KLHDC10: variants seen among roughly 807,000 people sequenced by gnomAD.
KLHDC10 encodes kelch domain-containing protein 10.
A neutral mutation model predicts 56.1 loss-of-function variants in KLHDC10; 24 were observed. The observed-to-expected ratio is 0.43, with a 90% confidence interval of 0.31 to 0.60. The LOEUF is 0.60. Among genes scored for constraint, KLHDC10 ranks in the 20% least tolerant of loss-of-function variants. The pLI is 0.11. For synonymous variants in KLHDC10, 188 were observed against 207.1 expected (o/e 0.91, Z 0.79); for missense variants, 349 against 567.0 (o/e 0.62, Z 3.91).
At chr7:130,122,238 G>T (rs745445582) in intron 5 of KLHDC10, 36 bp downstream of exon 5, 3 of 1,603,464 alleles carry the variant, frequency 1.9e-6, no homozygotes, top group South Asian at 1.1e-5. Flanking sequence ...TTATTCTTTC[G>T]TGCTAACATT....
Position 130,096,914 on chromosome 7 carries a change from G to T in KLHDC10, c.167-7G>T. 6.2e-7 allele frequency: 1 copy of T among 1,605,026 alleles called. No homozygotes were observed. Among genetic ancestry groups the T allele is most frequent in the Non-Finnish European group, 8.5e-7 (1 of 1,172,808 alleles). On this transcript the variant is annotated splice_region_variant and splice_polypyrimidine_tract_variant and intron_variant, in intron 1 of 9. Coordinates refer to ENST00000335420, the MANE Select transcript of KLHDC10 (RefSeq NM_014997.4). ...GTCTGACTTATTGCTGATAATTGTGGTAACAGGTAAGAAGAAAATACGATG... is the reference window on the plus strand; with the variant it reads ...GTCTGACTTATTGCTGATAATTGTGTTAACAGGTAAGAAGAAAATACGATG...
chr7:130,127,587 A>T, intron 8 of KLHDC10, 136 bp downstream of exon 8: 1 of 640,298 alleles, frequency 1.6e-6, no homozygotes, highest in Non-Finnish European at 2.7e-6. Flanking sequence ...TTAAAGGGAA[A>T]TTCATAGTTA....
rs772514343 is a variant in KLHDC10 at position 130,116,383 on chromosome 7, A to G, written c.254-62A>G. On this transcript the variant is annotated intron_variant, in intron 2 of 9. Coordinates refer to ENST00000335420, the MANE Select transcript of KLHDC10 (RefSeq NM_014997.4). The surrounding 1 kb of genome is among the most constrained non-coding windows in gnomAD (Gnocchi z 4.8). ...TTTATGGCTAAAATGGTTGTTACCT[A>G]ATTTTGTTTGTGCTTTTAAACTGGT... is the stretch of plus-strand genomic sequence containing the variant. 21 of 1,275,968 alleles carry G rather than the reference A, an allele frequency of 1.6e-5. No individual in the cohort carries two copies. Among genetic ancestry groups the G allele is most frequent in the Non-Finnish European group, 2.2e-6 (2 of 893,462 alleles). The allele number at this position is 1,275,968 out of a possible 1,614,324, so 79.0% of individuals were successfully genotyped here. A position where few individuals can be genotyped will look rare whatever the true frequency, so the allele number is the denominator to read the frequency against.
intron 5 of KLHDC10, among the ~76,000 whole-genome samples, chr7:130,123,049 A>ATGGG (rs1260852660): frequency 6.6e-6 from 1 of 152,066 alleles, no homozygotes; most frequent in Non-Finnish European, 1.5e-5. Flanking sequence ...GGATGGATGG[A>ATGGG]TGGATGGAAA....
Position 130,134,615 on chromosome 7 carries a change from C to T in KLHDC10, c.*3869C>T, listed in dbSNP as rs964760889. 6.8e-6 allele frequency: 1 copy of T among 147,502 alleles called. No homozygotes were observed. The highest frequency in any genetic ancestry group is 1.5e-5 in the Non-Finnish European group (1 of 66,168). 9.1% of individuals were successfully genotyped at this position (147,502 alleles called of 1,614,324 possible). A position where few individuals can be genotyped will look rare whatever the true frequency, so the allele number is the denominator to read the frequency against. The stretch of plus-strand genomic sequence containing the variant: ...GATCCTCTAAGACTGTGTTGGTCTT[C>T]GTATTCTGTAAAACCCATTTTTTTT... On this transcript the variant is annotated 3_prime_UTR_variant, in exon 10 of 10. Transcript: ENST00000335420.
At chr7:130,073,544 C>T (rs1031982646) in intron 1 of KLHDC10, among the ~76,000 whole-genome samples, 2 of 151,812 alleles carry the variant, frequency 1.3e-5, no homozygotes, top group Non-Finnish European at 2.9e-5. Flanking sequence ...GATCCTTCCG[C>T]CTCAGCCTCC....
intron 5 of KLHDC10, among the ~76,000 whole-genome samples, chr7:130,123,172 T>G (rs1796273185): frequency 6.6e-6 from 1 of 152,190 alleles, no homozygotes; most frequent in African/African-American, 2.4e-5. Flanking sequence ...AGCAGTTGCC[T>G]CTTCATAGAA....
chr7:130,079,993 G>A (rs1231497122), intron 1 of KLHDC10, among the ~76,000 whole-genome samples: 1 of 147,980 alleles, frequency 6.8e-6, no homozygotes, highest in Non-Finnish European at 1.5e-5. Context: ...CCAGGTTGGA[G>A]TGCAGTGGTG....
intron 2 of KLHDC10, among the ~76,000 whole-genome samples, chr7:130,112,562 A>G (rs1250467688): frequency 6.6e-6 from 1 of 152,200 alleles, no homozygotes; most frequent in East Asian, 1.9e-4. Flanking sequence ...TTAGAGAGCT[A>G]CTTTAGACCC....
At chr7:130,111,022 A>G (rs1474409) in intron 2 of KLHDC10, among the ~76,000 whole-genome samples, 53,014 of 151,904 alleles carry the variant, frequency 0.35, 10,305 homozygotes, top group East Asian at 0.43. Context: ...AGACCTGAAT[A>G]TTGGGATTTT....
In KLHDC10 at chr7:130,096,054, G is replaced by A. The variant is rs557700944; in HGVS notation, c.167-867G>A. Among the ~76,000 whole-genome samples the A allele has an allele frequency of 4.6e-5, 7 of 152,246 alleles. 1 individual carries two copies. The South Asian group carries it at 1.5e-3, about 32-fold the overall frequency. On this transcript the variant is annotated intron_variant, in intron 1 of 9. Coordinates refer to ENST00000335420, the MANE Select transcript of KLHDC10 (RefSeq NM_014997.4). ...TTGCAATCTCAGGTCCTAGCATAGGGCTCCAGGCATAGCAGATGCTTAATA... is the reference window on the plus strand; with the variant it reads ...TTGCAATCTCAGGTCCTAGCATAGGACTCCAGGCATAGCAGATGCTTAATA...
chr7:130,118,975 G>C (rs1486399787), intron 3 of KLHDC10, among the ~76,000 whole-genome samples: 1 of 152,056 alleles, frequency 6.6e-6, no homozygotes, highest in African/African-American at 2.4e-5. Flanking sequence ...AATTTAGGAG[G>C]CCAAGGAGGG....
intron 1 of KLHDC10, among the ~76,000 whole-genome samples, chr7:130,071,171 T>C (rs752766586): frequency 5.3e-5 from 8 of 152,096 alleles, no homozygotes; most frequent in Non-Finnish European, 1.2e-4. Flanking sequence ...TGTGGGAAAT[T>C]ATTTCAAAAA....
chr7:130,089,771 C>T (rs1299472884), intron 1 of KLHDC10, among the ~76,000 whole-genome samples: 1 of 152,164 alleles, frequency 6.6e-6, no homozygotes, highest in Non-Finnish European at 1.5e-5. Context: ...TAATTTGCTT[C>T]TCTTTTGAAA....
chr7:130,124,441 A>C lies in KLHDC10; in HGVS notation c.780-10A>C. ...CTTAATTATAAATGAATTTTATTGT[A>C]AATTTTCAGATACCGACATGAAATT... On this transcript the variant is annotated splice_polypyrimidine_tract_variant and intron_variant, in intron 5 of 9. Coordinates refer to ENST00000335420, the MANE Select transcript of KLHDC10 (RefSeq NM_014997.4). The C allele has an allele frequency of 6.4e-7, 1 of 1,558,724 alleles. No individual in the cohort carries two copies. The highest frequency in any genetic ancestry group is 1.4e-5 in the African/African-American group (1 of 73,960).
At chr7:130,089,921 G>T (rs1173021520) in intron 1 of KLHDC10, among the ~76,000 whole-genome samples, 5 of 148,092 alleles carry the variant, frequency 3.4e-5, no homozygotes, top group Non-Finnish European at 6.0e-5. Context: ...CGCTCTTGTT[G>T]CCCAGGCTGG....
At chr7:130,127,014 G>A (rs535571838) in intron 7 of KLHDC10, among the ~76,000 whole-genome samples, 4 of 152,310 alleles carry the variant, frequency 2.6e-5, no homozygotes, top group African/African-American at 7.2e-5. Context: ...TGAAGTGGGA[G>A]GATCATTTGA....
At chr7:130,085,823 G>C (rs1414587994) in intron 1 of KLHDC10, among the ~76,000 whole-genome samples, 1 of 106,000 alleles carries the variant, frequency 9.4e-6, no homozygotes, top group Non-Finnish European at 1.8e-5. Flanking sequence ...GACAGAGTGA[G>C]ACTCTTTCTC....
intron 8 of KLHDC10, 138 bp from the exon 9 acceptor site, chr7:130,129,299 C>A: frequency 1.2e-6 from 1 of 852,780 alleles, no homozygotes; most frequent in Non-Finnish European, 1.8e-6. Context: ...TGAGAGGCTG[C>A]ACAGCAGAAG....
Sources: gnomAD v4.1 joint callset for allele counts (sites outside exome capture counted in the v4.1 genomes callset) on GRCh38, gnomAD v4.1.1 for gene constraint, Gnocchi (gnomAD v3.1) non-coding constraint, MANE v1.5 for transcripts, NCBI Gene and HGNC (gene_info 2026-07-23, HGNC 2026-07-21) for gene names.